Variants in STK3 observed in about 807,000 individuals in gnomAD.
STK3 encodes serine/threonine kinase 3, also known as serine/threonine-protein kinase 3.
In STK3, 41 loss-of-function variants were observed where a neutral mutation model predicts 58.0. That is an observed-to-expected ratio of 0.71 (90% CI 0.55 to 0.92). The LOEUF (loss-of-function observed/expected upper bound fraction) is 0.92, where lower values mean the gene tolerates loss of function less well. Ranked by LOEUF, STK3 falls within the 40% of genes least tolerant of loss-of-function variation. The pLI, the probability that STK3 is intolerant of heterozygous loss-of-function variation, is 0.00. For synonymous variants in STK3, 170 were observed against 191.0 expected, an observed-to-expected ratio of 0.89 and a Z score of 0.91; for missense variants, 479 against 602.7, an observed-to-expected ratio of 0.79 and a Z score of 2.15.
intron 6 of STK3, among the ~76,000 whole-genome samples, chr8:98,616,875 A>AC (rs565728908): frequency 6.6e-6 from 1 of 151,332 alleles, no homozygotes; most frequent in Admixed American, 6.6e-5. Flanking sequence ...AGACTTTAAC[A>AC]CCCCACTGTC....
At chr8:98,587,004 C>G (rs1338497578) in intron 7 of STK3, among the ~76,000 whole-genome samples, 1 of 151,910 alleles carries the variant, frequency 6.6e-6, no homozygotes, top group East Asian at 1.9e-4. Context: ...CTTTATTAGT[C>G]TTGCTAGCGG....
chr8:98,714,601 A>G (rs545235920), intron 4 of STK3, among the ~76,000 whole-genome samples: 4 of 152,304 alleles, frequency 2.6e-5, no homozygotes, highest in African/African-American at 7.2e-5. Context: ...CTTTAAGGAG[A>G]ACTATAAACC....
chr8:98,538,286 A>G (rs1028463623), intron 9 of STK3, among the ~76,000 whole-genome samples: 3 of 152,246 alleles, frequency 2.0e-5, no homozygotes, highest in Admixed American at 1.3e-4. Context: ...ATGTTAACAC[A>G]GAAGCTACTG....
chr8:98,589,944 G>A (rs1480848164), intron 7 of STK3, among the ~76,000 whole-genome samples: 21 of 152,132 alleles, frequency 1.4e-4, no homozygotes, highest in Non-Finnish European at 2.5e-4. Context: ...GCAATGCCTC[G>A]CCCTGCTTCG....
At chr8:98,841,864 T>C (rs946441434) in intron 3 of STK3, among the ~76,000 whole-genome samples, 3 of 152,130 alleles carry the variant, frequency 2.0e-5, no homozygotes, top group African/African-American at 7.2e-5. Context: ...AGTATCTTTC[T>C]AATCCAGTGG....
At chr8:98,860,053 A>G (rs1297021506) in intron 3 of STK3, among the ~76,000 whole-genome samples, 1 of 152,214 alleles carries the variant, frequency 6.6e-6, no homozygotes, top group Non-Finnish European at 1.5e-5. Flanking sequence ...TAGTTCAACT[A>G]ACATGTATTG....
At chr8:98,759,307 A>G (rs1830478250) in intron 3 of STK3, among the ~76,000 whole-genome samples, 1 of 152,128 alleles carries the variant, frequency 6.6e-6, no homozygotes, top group Admixed American at 6.6e-5. Context: ...CCTAATTTCA[A>G]TATTGTGTCT....
intron 10 of STK3, among the ~76,000 whole-genome samples, chr8:98,512,118 C>T (rs1453037326): frequency 6.6e-6 from 1 of 151,970 alleles, no homozygotes; most frequent in African/African-American, 2.4e-5. Context: ...CTATCCCTCC[C>T]TCCTCCCCCC....
intron 6 of STK3, among the ~76,000 whole-genome samples, chr8:98,698,679 T>C (rs894718185): frequency 6.6e-6 from 1 of 152,300 alleles, no homozygotes; most frequent in East Asian, 1.9e-4. Context: ...TTTAAGAATG[T>C]TGAATATTGG....
intron 4 of STK3, among the ~76,000 whole-genome samples, chr8:98,744,029 A>C (rs1365869259): frequency 6.6e-6 from 1 of 152,044 alleles, no homozygotes; most frequent in African/African-American, 2.4e-5. Flanking sequence ...AACCACAATG[A>C]GATACCATCT....
chr8:98,656,838 T>A (rs551001068), intron 6 of STK3, among the ~76,000 whole-genome samples: 1 of 152,134 alleles, frequency 6.6e-6, no homozygotes, highest in East Asian at 1.9e-4. Flanking sequence ...TATAGTTAGT[T>A]CAAGTATTTT....
chr8:98,709,600 C>T (rs1826236040), intron 4 of STK3, among the ~76,000 whole-genome samples: 2 of 152,106 alleles, frequency 1.3e-5, no homozygotes, highest in Admixed American at 6.5e-5. Context: ...ACACTATGAC[C>T]AACTGGAATG....
chr8:98,472,858 A>G (rs1335142046), intron 10 of STK3, among the ~76,000 whole-genome samples: 1 of 152,166 alleles, frequency 6.6e-6, no homozygotes, highest in Non-Finnish European at 1.5e-5. Flanking sequence ...CACATAACAA[A>G]ATAAAAATCA....
chr8:98,353,381 C>T, the STK3 span, among the ~76,000 whole-genome samples: 35 of 152,142 alleles, frequency 2.3e-4, no homozygotes, highest in South Asian at 4.1e-4. Flanking sequence ...GTCCCAGCTA[C>T]TTGGGAGGCT....
chr8:98,932,372 C>T (rs1355695975), intron 1 of STK3, among the ~76,000 whole-genome samples: 1 of 152,160 alleles, frequency 6.6e-6, no homozygotes, highest in African/African-American at 2.4e-5. Flanking sequence ...GAAGGCTAGT[C>T]ATTGGAGGAG....
chr8:98,793,399 G>A (rs1287309710), intron 1 of STK3, among the ~76,000 whole-genome samples: 1 of 152,140 alleles, frequency 6.6e-6, no homozygotes, highest in Non-Finnish European at 1.5e-5. Context: ...TTAGCCAGAT[G>A]TGGCGGCACA....
At chr8:98,496,151 C>G (rs1823118212) in intron 10 of STK3, among the ~76,000 whole-genome samples, 1 of 152,080 alleles carries the variant, frequency 6.6e-6, no homozygotes, top group African/African-American at 2.4e-5. Context: ...ACATGGAGCA[C>G]AGTGCCTAGC....
intron 1 of STK3, among the ~76,000 whole-genome samples, chr8:98,895,288 C>T (rs950868779): frequency 2.6e-5 from 4 of 152,174 alleles, no homozygotes. Context: ...GATTTCACAT[C>T]TCTAACAAGG....
chr8:98,807,643 T>C (rs1228972070), intron 1 of STK3, among the ~76,000 whole-genome samples: 1 of 152,178 alleles, frequency 6.6e-6, no homozygotes, highest in Non-Finnish European at 1.5e-5. Context: ...TTGTGGGTCA[T>C]TTCAATCAAA....
Sources: allele counts gnomAD v4.1 joint callset (sites outside exome capture counted in the v4.1 genomes callset), GRCh38; gene constraint gnomAD v4.1.1; transcripts MANE v1.5; gene names NCBI Gene and HGNC (gene_info 2026-07-23, HGNC 2026-07-21).